The following PSMC6 variants were observed in gnomAD, a reference collection of about 807,000 sequenced individuals.
The protein encoded by PSMC6 is 26S proteasome regulatory subunit 10B.
In PSMC6, 3 loss-of-function variants were observed where a neutral mutation model predicts 55.9. That is an observed-to-expected ratio of 0.05 (90% CI 0.02 to 0.14). The LOEUF is 0.14. PSMC6 is among the 10% of genes least tolerant of loss of function. The pLI is 1.00. For missense variants in PSMC6, 210 were observed against 478.7 expected (o/e 0.44, Z 5.24); for synonymous variants, 137 against 155.9 (o/e 0.88, Z 0.90).
rs1419424049 is a variant in PSMC6 at position 52,724,562 on chromosome 14, TAATACTA to T, written c.1051+527_1051+533del. 5.8e-4 allele frequency among the ~76,000 whole-genome samples: 89 copies of T among 152,390 alleles called. 1 individual carries two copies. The highest frequency in any genetic ancestry group is 1.5e-3 in the African/African-American group (63 of 41,594). ...TGCAAAATGAATTGTGTATGTTGTCTAATACTAGTCTGTGAGCAGTGTTTTGAAAGAT... is the reference window on the plus strand; with the variant it reads ...TGCAAAATGAATTGTGTATGTTGTCTGTCTGTGAGCAGTGTTTTGAAAGAT... On this transcript the variant is annotated intron_variant, in intron 13 of 13. Coordinates refer to ENST00000445930, the MANE Select transcript of PSMC6 (RefSeq NM_002806.5).
chr14:52,712,967 C>T (rs1434503372), intron 6 of PSMC6, among the ~76,000 whole-genome samples: 1 of 152,048 alleles, frequency 6.6e-6, no homozygotes, highest in Non-Finnish European at 1.5e-5. Flanking sequence ...CATGGTGGCT[C>T]ACGCCTGTAA....
chr14:52,722,980 G>A (rs1181879162), intron 12 of PSMC6: 3 of 152,146 alleles, frequency 2.0e-5, no homozygotes, highest in Admixed American at 2.0e-4. Flanking sequence ...AGAAGTTAAT[G>A]GTCCAGAATA....
chr14:52,713,374 A>T lies in PSMC6; in HGVS notation c.442-507A>T, dbSNP rs1437378870. Among the ~76,000 whole-genome samples, 13 of 152,226 alleles carry T rather than the reference A, an allele frequency of 8.5e-5. 1 individual carries two copies. The highest frequency in any genetic ancestry group is 8.5e-4 in the Admixed American group (13 of 15,280). Reference sequence around the variant, plus strand: ...GTTCTTTAAAAGCTGCCGTGGCAAAATGCCAACAGATAAAAATTGTATATA... The same window carrying T: ...GTTCTTTAAAAGCTGCCGTGGCAAATTGCCAACAGATAAAAATTGTATATA... On this transcript the variant is annotated intron_variant, in intron 6 of 13. Coordinates refer to ENST00000445930, the MANE Select transcript of PSMC6 (RefSeq NM_002806.5).
chr14:52,723,187 G>C (rs539923963), intron 12 of PSMC6: 1 of 152,316 alleles, frequency 6.6e-6, no homozygotes, highest in South Asian at 2.1e-4. Flanking sequence ...ACTTAAACCT[G>C]ATTAAAGACA....
At position 52,708,268 on chromosome 14, in the gene PSMC6, A is replaced by G. The variant is rs181643132; in HGVS notation, c.86-41A>G. On this transcript the variant is annotated intron_variant, in intron 1 of 13. Transcript: ENST00000445930. Reference sequence around the variant, plus strand: ...GACGTAGCGACTTAAACACACTAAGATTACTGTTCAATTAAAAATGTTCAA... The same window carrying G: ...GACGTAGCGACTTAAACACACTAAGGTTACTGTTCAATTAAAAATGTTCAA... 3.9e-6 allele frequency: 6 copies of G among 1,527,998 alleles called. No individual in the cohort carries two copies. The Admixed American group carries it at 8.4e-5, about 21-fold the overall frequency. The allele number at this position is 1,527,998 out of a possible 1,614,324, so 94.7% of individuals were successfully genotyped here. A position where few individuals can be genotyped will look rare whatever the true frequency, so the allele number is the denominator to read the frequency against.
intron 3 of PSMC6, 38 bp downstream of exon 3, chr14:52,708,560 A>C (rs1566655710): frequency 6.3e-7 from 1 of 1,589,706 alleles, no homozygotes; most frequent in Middle Eastern, 1.8e-4. Context: ...GTAAAGAAAC[A>C]GTCCACCTCT....
At chr14:52,720,041 A>G (rs537550846) in intron 10 of PSMC6, among the ~76,000 whole-genome samples, 9 of 152,050 alleles carry the variant, frequency 5.9e-5, no homozygotes, top group African/African-American at 2.2e-4. Context: ...TGACCAACGT[A>G]GCGAAACACC....
Position 52,708,479 on chromosome 14 carries a change from T to C in PSMC6, c.166-4T>C. 4.3e-6 allele frequency: 7 copies of C among 1,613,992 alleles called. No homozygotes were observed. Among genetic ancestry groups the C allele is most frequent in the Non-Finnish European group, 5.9e-6 (7 of 1,179,936 alleles). On this transcript the variant is annotated splice_polypyrimidine_tract_variant and splice_region_variant and intron_variant, in intron 2 of 13. Coordinates refer to ENST00000445930, the MANE Select transcript of PSMC6 (RefSeq NM_002806.5). ...AAAGTAATGCTTTTTATTTTCTTCC[T>C]TAGATCGTGGGTGAAGTGCTTAAAC...
intron 10 of PSMC6, 39 bp from the exon 11 acceptor site, chr14:52,720,822 G>T: frequency 2.0e-6 from 3 of 1,519,934 alleles, no homozygotes; most frequent in South Asian, 1.2e-5. Context: ...TTTTTTAATG[G>T]TTAGAATTTT....
At chr14:52,721,458 TA>T in intron 12 of PSMC6, 1 of 319,276 alleles carries the variant, frequency 3.1e-6, no homozygotes, top group Non-Finnish European at 5.8e-6. Context: ...ATAAAGTTAG[TA>T]AAACAAAGTA....
At chr14:52,711,703 GT>G (rs199666940) in intron 6 of PSMC6, among the ~76,000 whole-genome samples, 179 bp downstream of exon 6, 2 of 151,388 alleles carry the variant, frequency 1.3e-5, no homozygotes, top group South Asian at 2.1e-4. Context: ...GAAAATTACT[GT>G]TTTTTTTTAT....
At chr14:52,715,681 A>T (rs938700164) in intron 7 of PSMC6, among the ~76,000 whole-genome samples, 2 of 146,590 alleles carry the variant, frequency 1.4e-5, no homozygotes, top group African/African-American at 5.1e-5. Flanking sequence ...TGGCGTGATC[A>T]TCCTGGCTCG....
At chr14:52,717,343 TTTTTTTTTTG>T (rs2041840881) in intron 7 of PSMC6, among the ~76,000 whole-genome samples, 1 of 147,822 alleles carries the variant, frequency 6.8e-6, no homozygotes, top group South Asian at 2.2e-4. Context: ...TTTTTTTTTT[TTTTTTTTTTG>T]AGACAGAGTC....
chr14:52,718,827 C>A, intron 9 of PSMC6, 150 bp from the exon 10 acceptor site: 1 of 642,656 alleles, frequency 1.6e-6, no homozygotes, highest in Non-Finnish European at 2.7e-6. Context: ...AATGTTACAC[C>A]AAAATCAAGT....
intron 5 of PSMC6, 80 bp from the exon 6 acceptor site, chr14:52,711,330 G>C: frequency 7.4e-7 from 1 of 1,343,304 alleles, no homozygotes; most frequent in Non-Finnish European, 1.0e-6. Flanking sequence ...GTGCTTGCTT[G>C]AGCAAGTTAT....
At chr14:52,717,391 G>A (rs2041841515) in intron 7 of PSMC6, among the ~76,000 whole-genome samples, 1 of 136,398 alleles carries the variant, frequency 7.3e-6, no homozygotes, top group East Asian at 2.2e-4. Context: ...CTGGAGTGCA[G>A]TGGCGAGATT....
At chr14:52,708,274 G>C (rs1400614087) in intron 1 of PSMC6, 35 bp from the exon 2 acceptor site, 1 of 1,547,284 alleles carries the variant, frequency 6.5e-7, no homozygotes, top group Non-Finnish European at 8.9e-7. Context: ...TAAGATTACT[G>C]TTCAATTAAA....
At chr14:52,709,136 T>C in intron 4 of PSMC6, 1 of 220,620 alleles carries the variant, frequency 4.5e-6, no homozygotes, top group South Asian at 6.6e-5. Flanking sequence ...GTGTTAGATA[T>C]CATCAGTTAC....
In PSMC6 at chr14:52,713,862, G is replaced by A; in HGVS notation, c.442-19G>A. 6.7e-7 allele frequency: 1 copy of A among 1,494,306 alleles called. No individual in the cohort carries two copies. The highest frequency in any genetic ancestry group is 9.2e-7 in the Non-Finnish European group (1 of 1,087,550). The allele number at this position is 1,494,306 out of a possible 1,614,324, so 92.6% of individuals were successfully genotyped here. A position where few individuals can be genotyped will look rare whatever the true frequency, so the allele number is the denominator to read the frequency against. The stretch of plus-strand genomic sequence containing the variant: ...AAATCTTGACTAACTTTTTAAGAAA[G>A]ATTTAACTTCTTTTCTAGGTGATAG... On this transcript the variant is annotated intron_variant, in intron 6 of 13. Transcript: ENST00000445930.
Sources: gnomAD v4.1 joint callset for allele counts (sites outside exome capture counted in the v4.1 genomes callset) on GRCh38, gnomAD v4.1.1 for gene constraint, MANE v1.5 for transcripts, NCBI Gene and HGNC (gene_info 2026-07-23, HGNC 2026-07-21) for gene names.